The following CDH18 variants were observed in gnomAD, a reference collection of about 807,000 sequenced individuals.
The protein encoded by CDH18 is cadherin-18.
CDH18 carries 31 observed loss-of-function variants against 67.9 expected under a neutral mutation model. The observed-to-expected ratio is 0.46, with a 90% CI of 0.34 to 0.62. The LOEUF is 0.62. Ranked by LOEUF, CDH18 falls within the 20% of genes least tolerant of loss-of-function variation. The pLI, the probability that CDH18 is intolerant of heterozygous loss-of-function variation, is 0.01. For missense variants in CDH18, 890 were observed against 975.5 expected, an observed-to-expected ratio of 0.91 and a Z score of 1.17; for synonymous variants, 362 against 347.2, an observed-to-expected ratio of 1.04 and a Z score of -0.48.
intron 5 of CDH18, among the ~76,000 whole-genome samples, chr5:19,650,332 C>G (rs1755389015): frequency 6.6e-6 from 1 of 151,992 alleles, no homozygotes; most frequent in Admixed American, 6.6e-5. Context: ...AGATAAAGCA[C>G]TAATATTAGA....
intron 2 of CDH18, among the ~76,000 whole-genome samples, chr5:20,226,097 C>A (rs1018904770): frequency 6.6e-6 from 1 of 151,904 alleles, no homozygotes; most frequent in Non-Finnish European, 1.5e-5. Flanking sequence ...GAATTTGAGT[C>A]GGAAATCTTT....
Position 19,614,473 on chromosome 5 carries a change from A to C in CDH18, c.644-1872T>G, listed in dbSNP as rs1008453085. 5.3e-5 allele frequency among the ~76,000 whole-genome samples: 8 copies of C among 152,156 alleles called. No individual in the cohort carries two copies. In the East Asian group the frequency reaches 1.5e-3, roughly 29 times the overall value. The stretch of plus-strand genomic sequence containing the variant: ...AAAAAACAATGTTTTATCTTACGAT[A>C]ATTACATTAGTAGGAATTGAATTGA... On this transcript the variant is annotated intron_variant, in intron 5 of 12. Transcript: ENST00000382275.
At chr5:19,526,920 A>G (rs1409486442) in intron 9 of CDH18, among the ~76,000 whole-genome samples, 1 of 151,980 alleles carries the variant, frequency 6.6e-6, no homozygotes, top group Non-Finnish European at 1.5e-5. Flanking sequence ...AAATAATCAC[A>G]TTTATAGCTG....
intron 1 of CDH18, among the ~76,000 whole-genome samples, chr5:20,573,841 A>G (rs1334723233): frequency 1.5e-5 from 1 of 64,884 alleles, no homozygotes; most frequent in African/African-American, 8.8e-5. Flanking sequence ...ATATATATAT[A>G]TATGTATTTA....
intron 2 of CDH18, among the ~76,000 whole-genome samples, chr5:20,056,228 T>C (rs1307781102): frequency 6.6e-6 from 1 of 150,440 alleles, no homozygotes; most frequent in Non-Finnish European, 1.5e-5. Context: ...GGTCTTGAAC[T>C]ATTGACTTCA....
chr5:19,875,500 T>C (rs534200617), intron 2 of CDH18, among the ~76,000 whole-genome samples: 36 of 152,174 alleles, frequency 2.4e-4, no homozygotes, highest in African/African-American at 8.2e-4. Flanking sequence ...TATAAAGATT[T>C]AAAGCCATTG....
chr5:20,059,877 A>G (rs1408698801), intron 2 of CDH18, among the ~76,000 whole-genome samples: 2 of 152,082 alleles, frequency 1.3e-5, no homozygotes, highest in Non-Finnish European at 2.9e-5. Flanking sequence ...ACATAGGAAC[A>G]GAAAACCAAA....
At chr5:19,537,480 C>A (rs1194750934) in intron 9 of CDH18, among the ~76,000 whole-genome samples, 2 of 151,546 alleles carry the variant, frequency 1.3e-5, no homozygotes, top group African/African-American at 2.4e-5. Flanking sequence ...ACACACACAC[C>A]CACGCATCCT....
intron 2 of CDH18, among the ~76,000 whole-genome samples, chr5:20,181,467 A>G (rs1281411762): frequency 6.6e-6 from 1 of 152,106 alleles, no homozygotes; most frequent in Non-Finnish European, 1.5e-5. Context: ...ATGTGCCCCA[A>G]CTGAGTTCTC....
chr5:19,670,445 C>T (rs1758583197), intron 5 of CDH18, among the ~76,000 whole-genome samples: 1 of 152,036 alleles, frequency 6.6e-6, no homozygotes, highest in Non-Finnish European at 1.5e-5. Flanking sequence ...TGTGTTACTG[C>T]ACTGAGGCAA....
intron 1 of CDH18, among the ~76,000 whole-genome samples, chr5:20,564,008 C>G (rs1388121045): frequency 6.6e-6 from 1 of 152,056 alleles, no homozygotes; most frequent in Non-Finnish European, 1.5e-5. Context: ...CTACTTCTAT[C>G]TTTTGATCAA....
At chr5:20,409,387 G>T (rs1562042102) in intron 1 of CDH18, among the ~76,000 whole-genome samples, 1 of 151,608 alleles carries the variant, frequency 6.6e-6, no homozygotes, top group Non-Finnish European at 1.5e-5. Flanking sequence ...TCAAAAATAT[G>T]TGTAAATTAA....
intron 7 of CDH18, among the ~76,000 whole-genome samples, chr5:19,581,201 C>T (rs907552738): frequency 1.3e-5 from 2 of 151,976 alleles, no homozygotes; most frequent in Non-Finnish European, 2.9e-5. Flanking sequence ...TAACAGCTTA[C>T]TGTCAATGAG....
chr5:20,538,546 A>G (rs1756854994), intron 1 of CDH18, among the ~76,000 whole-genome samples: 1 of 152,154 alleles, frequency 6.6e-6, no homozygotes, highest in Non-Finnish European at 1.5e-5. Context: ...CTGAAAGGCT[A>G]TGTGGCTCTG....
chr5:20,273,136 C>T (rs1407496466), intron 1 of CDH18, among the ~76,000 whole-genome samples: 1 of 151,892 alleles, frequency 6.6e-6, no homozygotes, highest in Admixed American at 6.6e-5. Context: ...TTTTAAGGTA[C>T]TAAGATGCAA....
intron 2 of CDH18, among the ~76,000 whole-genome samples, chr5:19,943,491 T>C (rs1223240910): frequency 6.6e-6 from 1 of 152,160 alleles, no homozygotes; most frequent in Non-Finnish European, 1.5e-5. Context: ...CATTGCAAGC[T>C]CTAAACTGAG....
chr5:19,630,000 G>A (rs929595774), intron 5 of CDH18, among the ~76,000 whole-genome samples: 1 of 152,018 alleles, frequency 6.6e-6, no homozygotes, highest in Non-Finnish European at 1.5e-5. Flanking sequence ...GCAACAGTGC[G>A]ATCTTGGCTC....
chr5:19,656,842 C>T (rs2150294962), intron 5 of CDH18, among the ~76,000 whole-genome samples: 1 of 151,620 alleles, frequency 6.6e-6, no homozygotes, highest in African/African-American at 2.4e-5. Flanking sequence ...GATTGAAATG[C>T]CAATTTACTC....
intron 1 of CDH18, among the ~76,000 whole-genome samples, chr5:20,319,816 TC>T (rs1273979561): frequency 6.6e-6 from 1 of 152,142 alleles, no homozygotes; most frequent in Non-Finnish European, 1.5e-5. Context: ...ATAGAAACAG[TC>T]AGAGAACTAA....
Sources: allele counts gnomAD v4.1 joint callset (sites outside exome capture counted in the v4.1 genomes callset), GRCh38; gene constraint gnomAD v4.1.1; transcripts MANE v1.5; gene names NCBI Gene and HGNC (gene_info 2026-07-23, HGNC 2026-07-21).